Variants in NAPEPLD observed in about 807,000 individuals in gnomAD.
The protein encoded by NAPEPLD is N-acyl phosphatidylethanolamine phospholipase D, also known as N-acyl-phosphatidylethanolamine-hydrolyzing phospholipase D.
NAPEPLD carries 23 observed loss-of-function variants against 38.1 expected under a neutral mutation model. That is an observed-to-expected ratio of 0.60 (90% CI 0.43 to 0.86). The LOEUF (loss-of-function observed/expected upper bound fraction) is 0.86, where lower values mean the gene tolerates loss of function less well. Among genes scored for constraint, NAPEPLD ranks in the 40% least tolerant of loss-of-function variants. NAPEPLD has a pLI of 0.00. For synonymous variants in NAPEPLD, 147 were observed against 162.0 expected (o/e 0.91, Z 0.71); for missense variants, 411 against 476.8 (o/e 0.86, Z 1.28).
chr7:103,146,555 A>C (rs1018960687), intron 1 of NAPEPLD, among the ~76,000 whole-genome samples: 5 of 152,114 alleles, frequency 3.3e-5, no homozygotes, highest in African/African-American at 1.2e-4. Flanking sequence ...CAAGGGGAAA[A>C]ATGGATTGTT....
chr7:103,146,935 T>C (rs1479621621), intron 1 of NAPEPLD, among the ~76,000 whole-genome samples: 6 of 152,154 alleles, frequency 3.9e-5, no homozygotes, highest in South Asian at 2.1e-4. Flanking sequence ...ACTCTCTCTA[T>C]ATATATACAT....
Position 103,100,081 on chromosome 7 carries a change from T to G in NAPEPLD, c.*3348A>C, listed in dbSNP as rs1032889438. On this transcript the variant is annotated 3_prime_UTR_variant, in exon 5 of 5. Coordinates refer to ENST00000465647, the MANE Select transcript of NAPEPLD (RefSeq NM_001122838.3). The stretch of plus-strand genomic sequence containing the variant: ...AGTCACAAATCCTCAAACAGAAATA[T>G]GTGTGTTCTCAATGTTACCCTGATA... The G allele has an allele frequency of 6.6e-6, 1 of 152,146 alleles. No individual in the cohort carries two copies. The highest frequency in any genetic ancestry group is 1.5e-5 in the Non-Finnish European group (1 of 68,002). 9.4% of individuals were successfully genotyped at this position (152,146 alleles called of 1,614,324 possible).
chr7:103,110,135 G>A (rs1229054170), intron 4 of NAPEPLD, among the ~76,000 whole-genome samples: 1 of 152,112 alleles, frequency 6.6e-6, no homozygotes, highest in African/African-American at 2.4e-5. Context: ...AATTCTACCA[G>A]AGGTACAAAG....
intron 1 of NAPEPLD, among the ~76,000 whole-genome samples, chr7:103,141,039 C>T (rs1478869418): frequency 6.6e-6 from 1 of 152,022 alleles, no homozygotes; most frequent in African/African-American, 2.4e-5. Flanking sequence ...AGTATTCTTG[C>T]CTCTCTTACC....
In NAPEPLD at chr7:103,141,237, GTTGTTTTTTTTTT is replaced by G. The variant is rs1173313335; in HGVS notation, c.-17+7561_-17+7573del. ...AATGTACATCAGAATTACCTGTGGA[GTTGTTTTTTTTTT>G]TTTTTTTTTTTTTTTGCAAGCAGAT... On this transcript the variant is annotated intron_variant, in intron 1 of 4. Coordinates refer to ENST00000465647, the MANE Select transcript of NAPEPLD (RefSeq NM_001122838.3). 55 of 79,120 alleles carry G rather than the reference GTTGTTTTTTTTTT, an allele frequency of 7.0e-4. No individual in the cohort carries two copies. In the East Asian group the frequency reaches 0.016, roughly 23 times the overall value. The allele number at this position is 79,120 out of a possible 1,614,324, so 4.9% of individuals were successfully genotyped here. A position where few individuals can be genotyped will look rare whatever the true frequency, so the allele number is the denominator to read the frequency against.
intron 1 of NAPEPLD, among the ~76,000 whole-genome samples, chr7:103,138,350 G>A (rs886864467): frequency 6.6e-6 from 1 of 152,092 alleles, no homozygotes; most frequent in Admixed American, 6.5e-5. Flanking sequence ...GTAAAGAAAC[G>A]GAAAGGAGAA....
chr7:103,141,075 C>A (rs977305617), intron 1 of NAPEPLD, among the ~76,000 whole-genome samples: 1 of 151,938 alleles, frequency 6.6e-6, no homozygotes, highest in Non-Finnish European at 1.5e-5. Flanking sequence ...TCATATTGTT[C>A]CCCCCATCTG....
intron 1 of NAPEPLD, among the ~76,000 whole-genome samples, chr7:103,138,250 AGCTTCCAAAATGGGACT>A (rs1810491325): frequency 6.6e-6 from 1 of 151,970 alleles, no homozygotes; most frequent in Non-Finnish European, 1.5e-5. Context: ...ACCAAAAAAA[AGCTTCCAAAATGGGACT>A]ACTTTCTCTC....
Position 103,103,435 on chromosome 7 carries a change from GT to G in NAPEPLD, c.1175del (p.Asn392ThrfsTer11), listed in dbSNP as rs1299967917. Reference protein sequence around the residue: ...ESRYLNNDDENF With the variant: ...ESRYLNNDDEXF ...GTGCCTGTGCTCACATTTATTAAAAGTTTTCATCATCATTATTTAGGTATCT... is the reference window on the plus strand; with the variant it reads ...GTGCCTGTGCTCACATTTATTAAAAGTTTCATCATCATTATTTAGGTATCT... On this transcript the variant is annotated frameshift_variant, in exon 5 of 5. Transcript: ENST00000465647. LOFTEE classifies it high-confidence loss of function. 6.4e-7 allele frequency: 1 copy of G among 1,557,656 alleles called. No individual in the cohort carries two copies. The highest frequency in any genetic ancestry group is 2.2e-5 in the Admixed American group (1 of 45,790).
chr7:103,119,804 G>A lies in NAPEPLD; in HGVS notation c.714C>T (p.Val238=). ...CAAAAGTGACCTTATCATGTCCGGG[G>A]ACACAATTCTCCTCCCACCAGTCCA... ...IELDWWEENC[V]PGHDKVTFVF... is the part of the protein sequence containing the mutation. Residue 238 remains valine, a synonymous_variant, in exon 3 of 5, where the codon GTC becomes GTT. Coordinates refer to ENST00000465647, the MANE Select transcript of NAPEPLD (RefSeq NM_001122838.3). The A allele has an allele frequency of 6.2e-7, 1 of 1,614,016 alleles. No individual in the cohort carries two copies. The highest frequency in any genetic ancestry group is 8.5e-7 in the Non-Finnish European group (1 of 1,180,022).
At chr7:103,120,274 TATATC>T (rs772231664) in intron 2 of NAPEPLD, 51 bp from the exon 3 acceptor site, 2 of 1,546,260 alleles carry the variant, frequency 1.3e-6, no homozygotes, top group African/African-American at 2.8e-5. Context: ...AAAAAAGTAT[TATATC>T]ATCATAGTCC....
rs529181987 is a variant in NAPEPLD at position 103,136,491 on chromosome 7, G to A, written c.-16-7699C>T. Among the ~76,000 whole-genome samples the A allele has an allele frequency of 6.6e-5, 10 of 151,628 alleles. No individual in the cohort carries two copies. The East Asian group carries it at 1.7e-3, about 27-fold the overall frequency. Reference sequence around the variant, plus strand: ...AGTCCCAGCTACTTGGGAGGCTGAGGCAGGAGAATCACTTGAACCTGGAGG... The same window carrying A: ...AGTCCCAGCTACTTGGGAGGCTGAGACAGGAGAATCACTTGAACCTGGAGG... On this transcript the variant is annotated intron_variant, in intron 1 of 4. Transcript: ENST00000465647.
chr7:103,108,523 T>C (rs963507878), intron 4 of NAPEPLD, among the ~76,000 whole-genome samples: 3 of 152,166 alleles, frequency 2.0e-5, no homozygotes, highest in African/African-American at 4.8e-5. Context: ...TAAAATCCTT[T>C]ACAGACAAGC....
At position 103,120,155 on chromosome 7, in the gene NAPEPLD, C is replaced by G. The variant is rs1806354991; in HGVS notation, c.363G>C (p.Arg121Ser). 1 of 1,614,160 alleles carries G rather than the reference C, an allele frequency of 6.2e-7. No individual in the cohort carries two copies. Residue 121 changes from arginine to serine, a missense_variant, in exon 3 of 5, where the codon AGG becomes AGC. By Grantham distance (110) the Arg-to-Ser change is moderately radical. Coordinates refer to ENST00000465647, the MANE Select transcript of NAPEPLD (RefSeq NM_001122838.3). ...GCCATGTGACTCTTAAGCCAGCTTC[C>G]CTCACTCCAGCTTCTTCAGGGTTAG... Reference protein sequence around the residue: ...FITNPEEAGVREAGLRVTWLG... With the variant: ...FITNPEEAGVSEAGLRVTWLG...
At chr7:103,112,264 G>A (rs1414572245) in intron 4 of NAPEPLD, among the ~76,000 whole-genome samples, 1 of 152,126 alleles carries the variant, frequency 6.6e-6, no homozygotes, top group Non-Finnish European at 1.5e-5. Flanking sequence ...TATATACCCA[G>A]AGGATTATAA....
chr7:103,148,732 T>C, intron 1 of NAPEPLD, 79 bp downstream of exon 1: 12 of 802,270 alleles, frequency 1.5e-5, no homozygotes, highest in Non-Finnish European at 1.8e-5. Flanking sequence ...ATAAACACTA[T>C]AGATGAAGCA....
upstream of NAPEPLD, chr7:103,149,523 C>T (rs772553744): frequency 2.7e-4 from 334 of 1,256,822 alleles, no homozygotes; most frequent in Admixed American, 4.7e-4. Context: ...TTATTATGAC[C>T]TTCGAATCTG....
At chr7:103,137,602 C>T (rs1039895478) in intron 1 of NAPEPLD, among the ~76,000 whole-genome samples, 22 of 152,006 alleles carry the variant, frequency 1.4e-4, no homozygotes, top group African/African-American at 4.8e-4. Context: ...GCACAAAGTG[C>T]AGGTTCATTT....
intron 4 of NAPEPLD, among the ~76,000 whole-genome samples, chr7:103,105,407 G>A (rs1239042601): frequency 2.0e-5 from 3 of 152,098 alleles, no homozygotes; most frequent in South Asian, 2.1e-4. Flanking sequence ...GTAAAGACCC[G>A]GATCACTTGA....
Sources: allele counts gnomAD v4.1 joint callset (sites outside exome capture counted in the v4.1 genomes callset), GRCh38; gene constraint gnomAD v4.1.1; transcripts MANE v1.5; gene names NCBI Gene and HGNC (gene_info 2026-07-23, HGNC 2026-07-21).